SLC44A5: variants seen among roughly 807,000 people sequenced by gnomAD.
SLC44A5 encodes choline transporter-like protein 5.
A neutral mutation model predicts 101.8 loss-of-function variants in SLC44A5; 57 were observed. The observed-to-expected ratio is 0.56, with a 90% confidence interval of 0.45 to 0.70. The LOEUF (loss-of-function observed/expected upper bound fraction) is 0.70. SLC44A5 is among the 30% of genes least tolerant of loss of function. The probability of loss-of-function intolerance (pLI) is 0.00; values close to 1 mark genes in which losing one functional copy is unlikely to be tolerated. For missense variants in SLC44A5, 737 were observed against 853.1 expected (o/e 0.86, Z 1.70); for synonymous variants, 281 against 290.9 (o/e 0.97, Z 0.35).
In SLC44A5 at chr1:75,338,786, C is replaced by T. The variant is rs79470100; in HGVS notation, c.101+796G>A. On this transcript the variant is annotated intron_variant, in intron 4 of 23. Transcript: ENST00000370859. The stretch of plus-strand genomic sequence containing the variant: ...ACAGGGACATAACAGTAAATGCTAA[C>T]GTACATACTGATGGTTGGCACGTGC... Among the ~76,000 whole-genome samples, 912 of 152,244 alleles carry T rather than the reference C, an allele frequency of 6.0e-3. 10 individuals are homozygous for T. Among genetic ancestry groups the T allele is most frequent in the African/African-American group, 0.021 (867 of 41,548 alleles).
intron 1 of SLC44A5, among the ~76,000 whole-genome samples, chr1:75,593,082 A>G (rs1197781608): frequency 6.6e-6 from 1 of 152,128 alleles, no homozygotes; most frequent in Admixed American, 6.5e-5. Flanking sequence ...AAATATTTGC[A>G]AGCTACCCCT....
At chr1:75,658,199 A>C in the SLC44A5 span, among the ~76,000 whole-genome samples, 1 of 152,042 alleles carries the variant, frequency 6.6e-6, no homozygotes, top group Non-Finnish European at 1.5e-5. Flanking sequence ...TCAGCCTCAA[A>C]GGTAGCTGGG....
chr1:75,582,121 C>T (rs1385838504), intron 1 of SLC44A5: 4 of 738,954 alleles, frequency 5.4e-6, no homozygotes, highest in African/African-American at 5.1e-5. Context: ...AACCACACCA[C>T]ACACAACTGG....
the SLC44A5 span, among the ~76,000 whole-genome samples, chr1:75,668,315 C>CTTTTTTTT: frequency 4.6e-5 from 3 of 65,088 alleles, no homozygotes; most frequent in Non-Finnish European, 5.6e-5. Flanking sequence ...TCCTAGGAGC[C>CTTTTTTTT]TTTTTTTTTT....
At chr1:75,639,250 T>C in the SLC44A5 span, among the ~76,000 whole-genome samples, 1 of 152,250 alleles carries the variant, frequency 6.6e-6, no homozygotes, top group East Asian at 1.9e-4. Context: ...CATACGTTAA[T>C]CAGCTAGATT....
chr1:75,541,384 T>G (rs1305830053), intron 2 of SLC44A5, 51 bp downstream of exon 2: 1 of 1,318,320 alleles, frequency 7.6e-7, no homozygotes, highest in Non-Finnish European at 1.1e-6. Flanking sequence ...AAAAAGAATA[T>G]TTGGCACAAA....
upstream of SLC44A5, among the ~76,000 whole-genome samples, chr1:75,613,253 G>C (rs541158055): frequency 1.3e-4 from 20 of 152,318 alleles, no homozygotes; most frequent in African/African-American, 4.8e-4. Context: ...GTTTTATCCA[G>C]CAAAGTTCAC....
intron 2 of SLC44A5, among the ~76,000 whole-genome samples, chr1:75,488,000 T>C (rs898842735): frequency 7.2e-5 from 11 of 152,078 alleles, no homozygotes; most frequent in Admixed American, 6.5e-4. Flanking sequence ...AACCCTATTG[T>C]GAACTGCACA....
chr1:75,291,954 G>A (rs1320549926), intron 5 of SLC44A5, among the ~76,000 whole-genome samples: 1 of 150,428 alleles, frequency 6.6e-6, no homozygotes, highest in Non-Finnish European at 1.5e-5. Flanking sequence ...GGAGCTTGCA[G>A]TGAGCCGAGA....
rs201263971 is a variant in SLC44A5 at position 75,221,949 on chromosome 1, GTCT to G, written c.1085+409_1085+411del. On this transcript the variant is annotated intron_variant, in intron 14 of 23. Transcript: ENST00000370859. ...GAATGGAAGATGCTTTCTTTTAAAA[GTCT>G]TCTTCTTCTTTTTTTTTTTTTTTTG... Among the ~76,000 whole-genome samples, 163 of 140,228 alleles carry G rather than the reference GTCT, an allele frequency of 1.2e-3. 3 individuals are homozygous for G. The highest frequency in any genetic ancestry group is 4.2e-3 in the African/African-American group (141 of 33,334). The allele number at this position is 140,228 out of a possible 152,430, so 92.0% of individuals were successfully genotyped here. A position where few individuals can be genotyped will look rare whatever the true frequency, so the allele number is the denominator to read the frequency against.
intron 5 of SLC44A5, among the ~76,000 whole-genome samples, chr1:75,286,806 T>C (rs542329101): frequency 6.6e-6 from 1 of 152,288 alleles, no homozygotes; most frequent in East Asian, 1.9e-4. Flanking sequence ...GCAGGGTTTC[T>C]GCTGAGGAAT....
At chr1:75,460,740 C>T (rs1340130567) in intron 2 of SLC44A5, among the ~76,000 whole-genome samples, 1 of 152,082 alleles carries the variant, frequency 6.6e-6, no homozygotes, top group Non-Finnish European at 1.5e-5. Flanking sequence ...GATATTATTG[C>T]TATTTTTATT....
rs753376869 is a variant in SLC44A5, at chr1:75,218,655, G to A, written c.1364C>T (p.Thr455Ile). ...GKSLYHQYIP[T>I]FHVYNLFVFL... is the part of the protein sequence containing the mutation. Reference sequence around the variant, plus strand: ...GACAAATAAGTTGTATACATGGAAGGTAGGGATGTACTGATGGTACAAGCT... The same window carrying A: ...GACAAATAAGTTGTATACATGGAAGATAGGGATGTACTGATGGTACAAGCT... Residue 455 changes from threonine to isoleucine, a missense_variant, in exon 17 of 24, where the codon ACC (threonine) becomes ATC (isoleucine). Physicochemically the swap from Thr to Ile is moderately conservative, Grantham distance 89 (BLOSUM62 -1). Coordinates refer to ENST00000370859, the MANE Select transcript of SLC44A5 (RefSeq NM_001130058.2). The A allele has an allele frequency of 3.1e-6, 5 of 1,613,836 alleles. No individual in the cohort carries two copies. In the South Asian group the frequency reaches 5.5e-5, roughly 18 times the overall value.
the SLC44A5 span, among the ~76,000 whole-genome samples, chr1:75,697,234 T>C: frequency 6.6e-6 from 1 of 152,184 alleles, no homozygotes; most frequent in African/African-American, 2.4e-5. Context: ...ATAGCAACAC[T>C]CTGTCTTCAC....
intron 1 of SLC44A5, among the ~76,000 whole-genome samples, chr1:75,549,837 C>T (rs1671842896): frequency 6.6e-6 from 1 of 151,994 alleles, no homozygotes; most frequent in Non-Finnish European, 1.5e-5. Flanking sequence ...AGACAAGGAA[C>T]CAGCAGATGT....
intron 4 of SLC44A5, among the ~76,000 whole-genome samples, chr1:75,325,902 T>C (rs2100980217): frequency 6.6e-6 from 1 of 152,100 alleles, no homozygotes. Flanking sequence ...ATGAAATTCA[T>C]TTATGTTTCA....
chr1:75,628,497 A>G, the SLC44A5 span, among the ~76,000 whole-genome samples: 1 of 152,190 alleles, frequency 6.6e-6, no homozygotes, highest in Admixed American at 6.6e-5. Flanking sequence ...CTTAAACATT[A>G]TGACCTTTAA....
intron 2 of SLC44A5, among the ~76,000 whole-genome samples, chr1:75,437,168 T>G (rs1242919305): frequency 6.6e-6 from 1 of 152,156 alleles, no homozygotes; most frequent in Non-Finnish European, 1.5e-5. Flanking sequence ...TATAAATACA[T>G]AAATCAGTTA....
intron 2 of SLC44A5, among the ~76,000 whole-genome samples, chr1:75,477,814 T>C (rs1303607477): frequency 3.9e-5 from 6 of 152,142 alleles, no homozygotes; most frequent in Admixed American, 2.0e-4. Context: ...TGGAACCAAG[T>C]TGGAAAACAC....
Sources: allele counts gnomAD v4.1 joint callset (sites outside exome capture counted in the v4.1 genomes callset), GRCh38; gene constraint gnomAD v4.1.1; transcripts MANE v1.5; gene names NCBI Gene and HGNC (gene_info 2026-07-23, HGNC 2026-07-21).